The following TIAM1 variants were observed in gnomAD, a reference collection of about 807,000 sequenced individuals.
TIAM1 encodes the protein TIAM Rac1 associated GEF 1.
Under a neutral mutation model 163.5 loss-of-function variants are expected in TIAM1, and 65 were observed. The ratio of observed to expected loss-of-function variants is 0.40; its 90% CI spans 0.33 to 0.49. TIAM1 has a LOEUF of 0.49. Among genes scored for constraint, TIAM1 ranks in the 20% least tolerant of loss-of-function variants. The pLI is 0.77. For missense variants in TIAM1, 1,789 were observed against 2,044.7 expected (o/e 0.87, Z 2.41); for synonymous variants, 833 against 810.1 (o/e 1.03, Z -0.48).
intron 2 of TIAM1, among the ~76,000 whole-genome samples, chr21:31,334,132 G>C (rs2075767551): frequency 6.6e-6 from 1 of 152,170 alleles, no homozygotes; most frequent in Non-Finnish European, 1.5e-5. Context: ...GCAGGCAATT[G>C]CAACAGCCCC....
intron 2 of TIAM1, among the ~76,000 whole-genome samples, chr21:31,351,136 C>A (rs1464519613): frequency 1.3e-5 from 2 of 152,146 alleles, no homozygotes; most frequent in African/African-American, 2.4e-5. Context: ...TACGACAAAC[C>A]TGTATCTCAA....
intron 2 of TIAM1, among the ~76,000 whole-genome samples, chr21:31,319,706 G>A (rs1479957808): frequency 6.6e-6 from 1 of 151,096 alleles, no homozygotes; most frequent in Admixed American, 6.6e-5. Flanking sequence ...CATGAACCCG[G>A]GAGGCGGAGC....
intron 2 of TIAM1, among the ~76,000 whole-genome samples, chr21:31,424,127 T>C (rs1261056858): frequency 2.6e-5 from 4 of 152,228 alleles, no homozygotes; most frequent in Middle Eastern, 3.2e-3. Context: ...GGAGAAACCA[T>C]GGAAATCTTT....
chr21:31,295,296 C>T (rs1419314104), intron 2 of TIAM1, among the ~76,000 whole-genome samples: 1 of 152,040 alleles, frequency 6.6e-6, no homozygotes, highest in Non-Finnish European at 1.5e-5. Flanking sequence ...CGGTGAAACC[C>T]CGTCTCTACT....
At chr21:31,220,718 T>A (rs1006597795) in intron 8 of TIAM1, among the ~76,000 whole-genome samples, 1 of 152,122 alleles carries the variant, frequency 6.6e-6, no homozygotes, top group African/African-American at 2.4e-5. Context: ...CCCAAGACAA[T>A]AATGACTCAA....
rs148613699 is a variant in TIAM1 at position 31,373,506 on chromosome 21, G to A, written c.-368-34084C>T. The stretch of plus-strand genomic sequence containing the variant: ...AGCAGAAACCCCTGATAAACCCATC[G>A]GATCTCGTGAGACTTATTTATAAGC... On this transcript the variant is annotated intron_variant, in intron 2 of 28. Coordinates refer to the TIAM1 transcript ENST00000286827. Among the ~76,000 whole-genome samples the A allele has an allele frequency of 3.4e-3, 518 of 152,230 alleles. 3 individuals are homozygous for A. The highest frequency in any genetic ancestry group is 0.012 in the African/African-American group (483 of 41,532).
intron 7 of TIAM1, among the ~76,000 whole-genome samples, chr21:31,225,202 G>A (rs1312125091): frequency 6.6e-6 from 1 of 152,020 alleles, no homozygotes; most frequent in Non-Finnish European, 1.5e-5. Context: ...GTTTTGCCAT[G>A]TTGACCAGGC....
intron 1 of TIAM1, among the ~76,000 whole-genome samples, chr21:31,494,772 G>A (rs2046584475): frequency 6.6e-6 from 1 of 152,160 alleles, no homozygotes; most frequent in African/African-American, 2.4e-5. Flanking sequence ...GAACCTCGGA[G>A]GCAGAGATTG....
chr21:31,427,894 C>T (rs113218502), intron 2 of TIAM1, among the ~76,000 whole-genome samples: 3 of 152,048 alleles, frequency 2.0e-5, no homozygotes, highest in East Asian at 1.9e-4. Context: ...AGAAAGGGAA[C>T]GAAAAACTTT....
At chr21:31,131,001 C>A in intron 23 of TIAM1, 53 bp from the exon 24 acceptor site, 1 of 1,507,286 alleles carries the variant, frequency 6.6e-7, no homozygotes. Flanking sequence ...AGGGTTTTCC[C>A]CTTGACATCA....
intron 11 of TIAM1, among the ~76,000 whole-genome samples, chr21:31,203,394 A>T (rs2086300597): frequency 6.6e-6 from 1 of 152,248 alleles, no homozygotes; most frequent in Non-Finnish European, 1.5e-5. Flanking sequence ...AAGTGCTGGG[A>T]TTACAGGCGT....
At chr21:31,258,987 C>T (rs1252000316) in intron 4 of TIAM1, among the ~76,000 whole-genome samples, 1 of 152,064 alleles carries the variant, frequency 6.6e-6, no homozygotes, top group Non-Finnish European at 1.5e-5. Flanking sequence ...GCCTTTAGGG[C>T]AGGCTGGCTT....
intron 2 of TIAM1, among the ~76,000 whole-genome samples, chr21:31,435,204 A>C (rs998969990): frequency 1.3e-5 from 2 of 152,192 alleles, no homozygotes; most frequent in African/African-American, 4.8e-5. Flanking sequence ...CTCAGCCTTC[A>C]TGTCTTTAAA....
chr21:31,537,292 G>A (rs2048168255), intron 1 of TIAM1, among the ~76,000 whole-genome samples: 1 of 152,164 alleles, frequency 6.6e-6, no homozygotes, highest in Non-Finnish European at 1.5e-5. Context: ...CTGAACATAG[G>A]TCAAGGGTCT....
chr21:31,402,166 T>C (rs1028018310), intron 2 of TIAM1, among the ~76,000 whole-genome samples: 5 of 151,900 alleles, frequency 3.3e-5, no homozygotes, highest in Admixed American at 2.6e-4. Flanking sequence ...TGAGCCGAGA[T>C]TGAGCCACTG....
chr21:31,339,750 G>A (rs2075960342), intron 1 of TIAM1, among the ~76,000 whole-genome samples: 1 of 152,122 alleles, frequency 6.6e-6, no homozygotes, highest in Non-Finnish European at 1.5e-5. Context: ...CAGTACAAGA[G>A]CTCACAAATC....
intron 2 of TIAM1, among the ~76,000 whole-genome samples, chr21:31,291,014 T>C (rs2073999805): frequency 6.6e-6 from 1 of 152,190 alleles, no homozygotes; most frequent in Admixed American, 6.5e-5. Context: ...AAATTATCCC[T>C]TCACCAGTAG....
chr21:31,386,924 C>T (rs1319254432), intron 2 of TIAM1, among the ~76,000 whole-genome samples: 1 of 152,154 alleles, frequency 6.6e-6, no homozygotes. Flanking sequence ...GCCTTGGTGT[C>T]CAGGGTGTTT....
In TIAM1 at chr21:31,252,496, T is replaced by C. The variant is rs113612419; in HGVS notation, c.964-307A>G. Among the ~76,000 whole-genome samples, 635 of 152,256 alleles carry C rather than the reference T, an allele frequency of 4.2e-3. 3 individuals are homozygous for C. The highest frequency in any genetic ancestry group is 0.017 in the Middle Eastern group (5 of 294). Reference sequence around the variant, plus strand: ...TTATTTCTCTAAGATAATTAACGAATTGGCAAATTCGCGATTGAGATTCTA... The same window carrying C: ...TTATTTCTCTAAGATAATTAACGAACTGGCAAATTCGCGATTGAGATTCTA... On this transcript the variant is annotated intron_variant, in intron 4 of 27. Coordinates refer to ENST00000541036, the MANE Select transcript of TIAM1 (RefSeq NM_001353694.2).
Sources: allele counts gnomAD v4.1 joint callset (sites outside exome capture counted in the v4.1 genomes callset), GRCh38; gene constraint gnomAD v4.1.1; transcripts MANE v1.5; gene names NCBI Gene and HGNC (gene_info 2026-07-23, HGNC 2026-07-21).